The following ENOX1 variants were observed in gnomAD, a reference collection of about 807,000 sequenced individuals.
ENOX1 encodes the protein ecto-NOX disulfide-thiol exchanger 1.
ENOX1 carries 42 observed loss-of-function variants against 82.5 expected under a neutral mutation model. The ratio of observed to expected loss-of-function variants is 0.51; its 90% CI spans 0.40 to 0.66. The LOEUF (loss-of-function observed/expected upper bound fraction) is 0.66. ENOX1 is among the 30% of genes least tolerant of loss of function. The pLI is 0.00. For missense variants in ENOX1, 608 were observed against 811.6 expected (o/e 0.75, Z 3.05); for synonymous variants, 271 against 282.2 (o/e 0.96, Z 0.40).
chr13:43,271,914 TTA>T (rs1399956677), intron 12 of ENOX1, among the ~76,000 whole-genome samples: 3 of 152,166 alleles, frequency 2.0e-5, no homozygotes, highest in African/African-American at 7.2e-5. Context: ...TTATGTGATA[TTA>T]TGTTTCTTAT....
chr13:43,576,310 G>A (rs936143286), intron 2 of ENOX1, among the ~76,000 whole-genome samples: 2 of 152,164 alleles, frequency 1.3e-5, no homozygotes, highest in South Asian at 2.1e-4. Context: ...TCCACTTGCC[G>A]CTATTTTCTG....
At chr13:43,373,579 C>T (rs1041211422) in intron 5 of ENOX1, among the ~76,000 whole-genome samples, 1 of 152,186 alleles carries the variant, frequency 6.6e-6, no homozygotes, top group Non-Finnish European at 1.5e-5. Flanking sequence ...TTTACCCACA[C>T]ACATACACAT....
At position 43,412,008 on chromosome 13, in the gene ENOX1, T is replaced by C. The variant is rs759563396; in HGVS notation, c.116A>G (p.Asn39Ser). The C allele has an allele frequency of 1.2e-6, 2 of 1,614,174 alleles. No individual in the cohort carries two copies. The highest frequency in any genetic ancestry group is 1.1e-5 in the South Asian group (1 of 91,080). ...GGCTGTGGGATCTGTCACGGACATG[T>C]TGAGCTGGGTCGTGTCTATCGCTAT... The part of the protein sequence containing the change: ...GSIAIDTTQL[N>S]MSVTDPTAWA... Residue 39 changes from asparagine to serine, a missense_variant, in exon 5 of 17, where the codon AAC becomes AGC. Asn to Ser is a conservative substitution (Grantham distance 46). Transcript: ENST00000690772.
intron 8 of ENOX1, among the ~76,000 whole-genome samples, chr13:43,348,969 G>A (rs1458372977): frequency 6.6e-6 from 1 of 152,196 alleles, no homozygotes; most frequent in African/African-American, 2.4e-5. Flanking sequence ...AGTATATATA[G>A]TGTTCAGTAC....
In ENOX1 at chr13:43,351,412, T is replaced by TTTA. The variant is rs1374035036; in HGVS notation, c.823+4506_823+4507insTAA. Among the ~76,000 whole-genome samples the TTTA allele has an allele frequency of 5.8e-4, 87 of 149,444 alleles. No individual in the cohort carries two copies. The South Asian group carries it at 5.9e-3, about 10-fold the overall frequency. On this transcript the variant is annotated intron_variant, in intron 8 of 16. Coordinates refer to ENST00000690772, the MANE Select transcript of ENOX1 (RefSeq NM_001347969.2). ...TATTTCTTTTTATTTTATTTATTTA[T>TTTA]TTTATTTATTTATTTATTTATTTTT...
chr13:43,680,993 A>G (rs1430134539), intron 1 of ENOX1, among the ~76,000 whole-genome samples: 1 of 152,148 alleles, frequency 6.6e-6, no homozygotes, highest in African/African-American at 2.4e-5. Flanking sequence ...AGAGAAAGAG[A>G]GAGCAAACAG....
chr13:43,654,937 G>A (rs537377758), intron 2 of ENOX1, among the ~76,000 whole-genome samples: 2 of 152,216 alleles, frequency 1.3e-5, no homozygotes, highest in African/African-American at 4.8e-5. Flanking sequence ...TGAGTTTAAT[G>A]CCACTCCAAC....
intron 2 of ENOX1, among the ~76,000 whole-genome samples, chr13:43,621,055 A>C (rs1424389626): frequency 6.6e-6 from 1 of 152,176 alleles, no homozygotes; most frequent in Non-Finnish European, 1.5e-5. Flanking sequence ...TTATGTAAGA[A>C]TTGCTACCCC....
intron 1 of ENOX1, among the ~76,000 whole-genome samples, chr13:43,733,483 C>A (rs936753373): frequency 6.6e-6 from 1 of 152,186 alleles, no homozygotes; most frequent in African/African-American, 2.4e-5. Flanking sequence ...TTAGAGTAAG[C>A]CACATCGTAT....
At position 43,650,656 on chromosome 13, in the gene ENOX1, T is replaced by C. The variant is rs981150020; in HGVS notation, c.-219+16823A>G. ...GAGTTCGAGACCATCCTGGGCAACA[T>C]GGTGAAACCCGTCTCTACTAAAAAC... On this transcript the variant is annotated intron_variant, in intron 2 of 16. Coordinates refer to ENST00000690772, the MANE Select transcript of ENOX1 (RefSeq NM_001347969.2). Among the ~76,000 whole-genome samples the C allele has an allele frequency of 4.1e-3, 11 of 2,664 alleles. No individual in the cohort carries two copies. The Non-Finnish European group carries it at 0.068, about 17-fold the overall frequency. 1.7% of individuals were successfully genotyped at this position (2,664 alleles called of 152,430 possible).
chr13:43,316,107 G>T (rs2047465492), intron 11 of ENOX1, among the ~76,000 whole-genome samples: 1 of 152,142 alleles, frequency 6.6e-6, no homozygotes, highest in African/African-American at 2.4e-5. Flanking sequence ...ATCAGCTCAA[G>T]CCCTCCACCA....
At chr13:43,581,971 C>A (rs1230960695) in intron 2 of ENOX1, among the ~76,000 whole-genome samples, 1 of 152,102 alleles carries the variant, frequency 6.6e-6, no homozygotes, top group Non-Finnish European at 1.5e-5. Flanking sequence ...ATGTATATAT[C>A]ATATCTGCAC....
chr13:43,286,324 G>A (rs781718130), intron 12 of ENOX1, among the ~76,000 whole-genome samples: 4 of 152,228 alleles, frequency 2.6e-5, no homozygotes, highest in East Asian at 1.9e-4. Context: ...TATAAATCTC[G>A]TACTCATCAT....
At chr13:43,267,880 A>G (rs2044471429) in intron 13 of ENOX1, among the ~76,000 whole-genome samples, 1 of 152,214 alleles carries the variant, frequency 6.6e-6, no homozygotes, top group South Asian at 2.1e-4. Context: ...CAGATTTAAA[A>G]TTCTTCCTTC....
intron 1 of ENOX1, among the ~76,000 whole-genome samples, chr13:43,740,545 C>T (rs1387377472): frequency 2.0e-5 from 3 of 151,950 alleles, no homozygotes; most frequent in South Asian, 2.1e-4. Flanking sequence ...AAACATGTCT[C>T]GTGGGGTTTT....
chr13:43,763,574 T>A (rs1951108438), intron 1 of ENOX1, among the ~76,000 whole-genome samples: 1 of 152,208 alleles, frequency 6.6e-6, no homozygotes, highest in Non-Finnish European at 1.5e-5. Flanking sequence ...AATCAACTAG[T>A]TGCTTCAGTG....
In ENOX1 at chr13:43,786,597, CCCCGGCTCGGAG is replaced by C. The variant is rs2153862114; in HGVS notation, c.-285+43_-285+54del. ...CCGTGGCGGGGGTGAGACCAGAGGA[CCCCGGCTCGGAG>C]CCCGGACGCCCCAGGGAGGCTGCGG... On this transcript the variant is annotated intron_variant, in intron 1 of 16. Transcript: ENST00000690772. This position sits in a 1 kb window ranked among gnomAD's most constrained non-coding sequence, Gnocchi z 6.0. The C allele has an allele frequency of 6.6e-6, 1 of 152,162 alleles. No homozygotes were observed. The highest frequency in any genetic ancestry group is 2.1e-4 in the South Asian group (1 of 4,828). 9.4% of individuals were successfully genotyped at this position (152,162 alleles called of 1,614,324 possible).
chr13:43,376,015 T>C (rs1206475381), intron 5 of ENOX1, among the ~76,000 whole-genome samples: 2 of 152,256 alleles, frequency 1.3e-5, no homozygotes, highest in Non-Finnish European at 1.5e-5. Flanking sequence ...GTACAAGGGC[T>C]GGCTAATCTA....
At chr13:43,407,796 T>C (rs1438670482) in intron 5 of ENOX1, among the ~76,000 whole-genome samples, 2 of 151,728 alleles carry the variant, frequency 1.3e-5, no homozygotes, top group Non-Finnish European at 2.9e-5. Flanking sequence ...AACACGAATG[T>C]TCCAACAGAT....
Sources: gnomAD v4.1 joint callset for allele counts (sites outside exome capture counted in the v4.1 genomes callset) on GRCh38, gnomAD v4.1.1 for gene constraint, Gnocchi (gnomAD v3.1) non-coding constraint, MANE v1.5 for transcripts, NCBI Gene and HGNC (gene_info 2026-07-23, HGNC 2026-07-21) for gene names.